The following PPFIBP2 variants were observed in gnomAD, a reference collection of about 807,000 sequenced individuals.
PPFIBP2 encodes PPFIB scaffold protein 2, also known as liprin-beta-2.
A neutral mutation model predicts 118.3 loss-of-function variants in PPFIBP2; 118 were observed. The observed-to-expected ratio is 1.00, with a 90% CI of 0.86 to 1.16. The LOEUF is 1.16. Among genes scored for constraint, PPFIBP2 ranks in the 50% most tolerant of loss-of-function variants. The pLI, the probability that PPFIBP2 is intolerant of heterozygous loss-of-function variation, is 0.00. For synonymous variants in PPFIBP2, 414 were observed against 397.4 expected, an observed-to-expected ratio of 1.04 and a Z score of -0.50; for missense variants, 1,195 against 1,073.1, an observed-to-expected ratio of 1.11 and a Z score of -1.59.
At chr11:7,519,168 C>T (rs146602607) in intron 1 of PPFIBP2, among the ~76,000 whole-genome samples, 10 of 152,058 alleles carry the variant, frequency 6.6e-5, no homozygotes, top group Admixed American at 2.0e-4. Flanking sequence ...GAGAAGATTG[C>T]GGCTGAGAAG....
intron 7 of PPFIBP2, among the ~76,000 whole-genome samples, chr11:7,621,986 A>G (rs752082404): frequency 6.6e-6 from 1 of 152,258 alleles, no homozygotes; most frequent in Non-Finnish European, 1.5e-5. Context: ...ACCATTGCTA[A>G]TATTTCCTTC....
downstream of PPFIBP2, among the ~76,000 whole-genome samples, chr11:7,657,675 C>T (rs1194176315): frequency 1.3e-5 from 2 of 152,192 alleles, no homozygotes; most frequent in African/African-American, 4.8e-5. Flanking sequence ...CCTTCCCTCA[C>T]TAGGGAATGC....
At chr11:7,624,643 G>A (rs1016891367) in intron 7 of PPFIBP2, among the ~76,000 whole-genome samples, 1 of 152,234 alleles carries the variant, frequency 6.6e-6, no homozygotes, top group African/African-American at 2.4e-5. Context: ...CACGGTCGAT[G>A]CTCATCCCTT....
intron 17 of PPFIBP2, among the ~76,000 whole-genome samples, chr11:7,647,005 T>G (rs1010654002): frequency 2.6e-5 from 4 of 152,144 alleles, no homozygotes; most frequent in African/African-American, 9.7e-5. Context: ...TCGTAAAATA[T>G]TTTCAGGACC....
chr11:7,611,323 A>C (rs1029046236), intron 6 of PPFIBP2, among the ~76,000 whole-genome samples: 6 of 150,346 alleles, frequency 4.0e-5, no homozygotes, highest in African/African-American at 1.5e-4. Context: ...TTTTGTGAGC[A>C]CCTGGTATGT....
intron 9 of PPFIBP2, 84 bp from the exon 10 acceptor site, chr11:7,629,375 C>G: frequency 3.0e-6 from 4 of 1,332,314 alleles, no homozygotes; most frequent in Non-Finnish European, 3.2e-6. Flanking sequence ...CTCCTTGTGC[C>G]AAGAACATAG....
chr11:7,609,155 CG>C (rs571430827), intron 5 of PPFIBP2, among the ~76,000 whole-genome samples: 460 of 152,302 alleles, frequency 3.0e-3, no homozygotes, highest in Middle Eastern at 6.8e-3. Context: ...ATTTCTGTCC[CG>C]TGTGGTTTGA....
At chr11:7,663,537 A>C in the PPFIBP2 span, among the ~76,000 whole-genome samples, 3 of 152,208 alleles carry the variant, frequency 2.0e-5, no homozygotes, top group African/African-American at 7.2e-5. Flanking sequence ...TGGGAGAACC[A>C]CTGCTCTCTT....
In PPFIBP2 at chr11:7,557,400, T is replaced by C. The variant is rs576081093; in HGVS notation, c.64+7861T>C. Reference sequence around the variant, plus strand: ...AAAATATTTACTCATATTAGTGTATTGATTTAGTTACGTGTTTAAGCACTA... The same window carrying C: ...AAAATATTTACTCATATTAGTGTATCGATTTAGTTACGTGTTTAAGCACTA... On this transcript the variant is annotated intron_variant, in intron 2 of 23. Transcript: ENST00000299492. Among the ~76,000 whole-genome samples, 10 of 152,198 alleles carry C rather than the reference T, an allele frequency of 6.6e-5. No individual in the cohort carries two copies. The South Asian group carries it at 1.9e-3, about 28-fold the overall frequency.
chr11:7,656,113 T>C (rs570240616), downstream of PPFIBP2, among the ~76,000 whole-genome samples: 1 of 152,310 alleles, frequency 6.6e-6, no homozygotes, highest in African/African-American at 2.4e-5. Flanking sequence ...TAGTTATCTG[T>C]AAAGCAGGGC....
At chr11:7,652,466 C>G (rs1377962657) in intron 23 of PPFIBP2, among the ~76,000 whole-genome samples, 2 of 152,246 alleles carry the variant, frequency 1.3e-5, no homozygotes, top group African/African-American at 4.8e-5. Context: ...CTGGTCCTAT[C>G]CCTGGTAGTG....
chr11:7,615,373 A>G (rs1848518443), intron 6 of PPFIBP2, among the ~76,000 whole-genome samples: 1 of 152,100 alleles, frequency 6.6e-6, no homozygotes, highest in Non-Finnish European at 1.5e-5. Context: ...AGCTAAGTTG[A>G]AATGCCAAGC....
At position 7,577,452 on chromosome 11, in the gene PPFIBP2, G is replaced by A. The variant is rs879717578; in HGVS notation, c.279+11685G>A. The A allele has an allele frequency of 9.6e-6, 4 of 417,526 alleles. No homozygotes were observed. In the Admixed American group the frequency reaches 1.0e-4, roughly 10 times the overall value. 25.9% of individuals were successfully genotyped at this position (417,526 alleles called of 1,614,324 possible). On this transcript the variant is annotated intron_variant, in intron 3 of 23. Coordinates refer to ENST00000299492, the MANE Select transcript of PPFIBP2 (RefSeq NM_003621.5). The stretch of plus-strand genomic sequence containing the variant: ...GGAGAGGCTGAAGGACGCAGGCCAG[G>A]GAAGTGGGGAAATTTGAACACAGCT...
intron 5 of PPFIBP2, among the ~76,000 whole-genome samples, chr11:7,599,174 T>C (rs919688744): frequency 6.6e-6 from 1 of 151,742 alleles, no homozygotes; most frequent in Admixed American, 6.6e-5. Flanking sequence ...AAATCTCAAA[T>C]GATGAAAGTA....
At chr11:7,575,595 T>C (rs1434804892) in intron 3 of PPFIBP2, among the ~76,000 whole-genome samples, 2 of 152,234 alleles carry the variant, frequency 1.3e-5, no homozygotes, top group Admixed American at 6.5e-5. Context: ...CTCCTCTTCC[T>C]TGGAGTCCCA....
At chr11:7,568,162 G>A (rs1293586265) in intron 3 of PPFIBP2, among the ~76,000 whole-genome samples, 1 of 152,184 alleles carries the variant, frequency 6.6e-6, no homozygotes, top group Non-Finnish European at 1.5e-5. Flanking sequence ...TCTGCCTCGT[G>A]ACACCTATAT....
rs146173892 is a variant in PPFIBP2 at position 7,625,846 on chromosome 11, C to G, written c.781C>G (p.Leu261Val). 8 of 1,614,122 alleles carry G rather than the reference C, an allele frequency of 5.0e-6. No homozygotes were observed. The highest frequency in any genetic ancestry group is 6.8e-6 in the Non-Finnish European group (8 of 1,180,042). Residue 261 changes from leucine to valine, a missense_variant, in exon 8 of 24, where the codon CTC becomes GTC. Coordinates refer to ENST00000299492, the MANE Select transcript of PPFIBP2 (RefSeq NM_003621.5). ...DAEIERLHSQLSRTAALHSES... is the reference protein window; with the variant it reads ...DAEIERLHSQVSRTAALHSES... ...AGAAATTGAGCGTCTGCACAGCCAG[C>G]TCTCCCGGACAGCAGCTCTCCACAG...
intron 1 of PPFIBP2, among the ~76,000 whole-genome samples, chr11:7,549,069 G>C (rs1175836912): frequency 6.6e-6 from 1 of 152,214 alleles, no homozygotes; most frequent in Non-Finnish European, 1.5e-5. Context: ...CAGTGTCCCT[G>C]TTAGGTGTGC....
intron 2 of PPFIBP2, 145 bp downstream of exon 2, chr11:7,549,684 A>C: frequency 1.2e-6 from 1 of 867,650 alleles, no homozygotes. Flanking sequence ...TTGTGTATGT[A>C]ATCTCTTTTT....
Sources: gnomAD v4.1 joint callset for allele counts (sites outside exome capture counted in the v4.1 genomes callset) on GRCh38, gnomAD v4.1.1 for gene constraint, MANE v1.5 for transcripts, NCBI Gene and HGNC (gene_info 2026-07-23, HGNC 2026-07-21) for gene names.